The following CHIC1 variants were observed in gnomAD, a reference collection of about 807,000 sequenced individuals.
The protein encoded by CHIC1 is cysteine-rich hydrophobic domain-containing protein 1.
A neutral mutation model predicts 18.5 loss-of-function variants in CHIC1; 7 were observed. The observed-to-expected ratio is 0.38, with a 90% confidence interval of 0.22 to 0.71. The LOEUF is 0.71. Among genes scored for constraint, CHIC1 ranks in the 30% least tolerant of loss-of-function variants. The probability of loss-of-function intolerance (pLI) is 0.49; values close to 1 mark genes in which losing one functional copy is unlikely to be tolerated. For missense variants in CHIC1, 159 were observed against 176.9 expected (o/e 0.90, Z 0.57); for synonymous variants, 77 against 73.5 (o/e 1.05, Z -0.25).
At chrX:73,573,463 C>T (rs994468227) in intron 1 of CHIC1, among the ~76,000 whole-genome samples, 2 of 111,412 alleles carry the variant, frequency 1.8e-5, no homozygotes, top group African/African-American at 6.5e-5. Flanking sequence ...ATAGTTGTTT[C>T]TAATTCCGTG....
chrX:73,565,997 C>T (rs766827192), intron 1 of CHIC1, among the ~76,000 whole-genome samples: 2 of 110,766 alleles, frequency 1.8e-5, no homozygotes, highest in South Asian at 7.7e-4. Context: ...CCACATTGCC[C>T]GTGCTTTTCA....
At chrX:73,599,315 G>A (rs1178980806) in intron 3 of CHIC1, among the ~76,000 whole-genome samples, 1 of 101,843 alleles carries the variant, frequency 9.8e-6, no homozygotes, top group Non-Finnish European at 1.9e-5. Flanking sequence ...TTCTTTTGCT[G>A]TGCAGAAGCT....
rs995387085 is a variant in CHIC1, at chrX:73,573,755, A to G, written c.297-3652A>G. On this transcript the variant is annotated intron_variant, in intron 1 of 5. Transcript: ENST00000373502. ...AACGTTATTGGTGTATAGAAATTCT[A>G]CTGACTTTTTACATTGATTTTATAT... 4.2e-4 allele frequency among the ~76,000 whole-genome samples: 47 copies of G among 111,228 alleles called. 2 individuals carry two copies. Among genetic ancestry groups the G allele is most frequent in the Non-Finnish European group, 1.9e-5 (1 of 52,564 alleles).
At chrX:73,642,015 G>A (rs371898521) in intron 3 of CHIC1, among the ~76,000 whole-genome samples, 2 of 111,501 alleles carry the variant, frequency 1.8e-5, no homozygotes, top group Admixed American at 9.5e-5. Flanking sequence ...ATGATTTATA[G>A]TCCTTTGGGT....
chrX:73,623,042 G>T (rs2057767326), intron 3 of CHIC1, among the ~76,000 whole-genome samples: 1 of 112,047 alleles, frequency 8.9e-6, no homozygotes, highest in African/African-American at 3.2e-5. Context: ...TTGCACTGTG[G>T]TCTGAGAGAC....
Position 73,685,232 on chromosome X carries a change from A to T in CHIC1, c.*4227A>T, listed in dbSNP as rs2058116575. 1 of 111,393 alleles carries T rather than the reference A, an allele frequency of 9.0e-6. No individual in the cohort carries two copies. Among genetic ancestry groups the T allele is most frequent in the Non-Finnish European group, 1.9e-5 (1 of 52,913 alleles). 9.2% of individuals were successfully genotyped at this position (111,393 alleles called of 1,213,427 possible). A position where few individuals can be genotyped will look rare whatever the true frequency, so the allele number is the denominator to read the frequency against. The stretch of plus-strand genomic sequence containing the variant: ...GGCTGACGTGTTAATTATCACACAG[A>T]CTCCAAGAACCTGATGCTTGCTAGA... On this transcript the variant is annotated 3_prime_UTR_variant, in exon 6 of 6. Transcript: ENST00000373502.
At chrX:73,599,030 T>G (rs375512391) in intron 3 of CHIC1, among the ~76,000 whole-genome samples, 9 of 108,688 alleles carry the variant, frequency 8.3e-5, no homozygotes, top group Non-Finnish European at 1.1e-4. Flanking sequence ...CATTCTAACT[T>G]GTGTGAGATG....
chrX:73,597,657 C>T (rs1450080707), intron 3 of CHIC1, among the ~76,000 whole-genome samples: 1 of 107,976 alleles, frequency 9.3e-6, no homozygotes, highest in African/African-American at 3.4e-5. Flanking sequence ...TTTTGGGATA[C>T]ATGTGCAGAA....
At chrX:73,666,721 G>A (rs1218118414) in intron 3 of CHIC1, among the ~76,000 whole-genome samples, 1 of 112,266 alleles carries the variant, frequency 8.9e-6, no homozygotes, top group East Asian at 2.8e-4. Context: ...TGCTCTGAGA[G>A]ACTATTATGA....
intron 3 of CHIC1, among the ~76,000 whole-genome samples, chrX:73,589,278 A>G (rs2057569048): frequency 9.0e-6 from 1 of 110,945 alleles, no homozygotes; most frequent in Non-Finnish European, 1.9e-5. Flanking sequence ...CACATAAGGA[A>G]GGACTTCCAC....
At chrX:73,584,372 G>A (rs758010593) in intron 2 of CHIC1, 45 bp from the exon 3 acceptor site, 4 of 1,088,424 alleles carry the variant, frequency 3.7e-6, no homozygotes, top group Non-Finnish European at 4.9e-6. Context: ...GAGATAAACA[G>A]TGAAAAGCTG....
intron 3 of CHIC1, among the ~76,000 whole-genome samples, chrX:73,602,526 C>T (rs1418060207): frequency 3.7e-5 from 4 of 108,781 alleles, no homozygotes; most frequent in African/African-American, 1.4e-4. Flanking sequence ...TTAATTAGAT[C>T]TCATTTGTCT....
intron 3 of CHIC1, among the ~76,000 whole-genome samples, chrX:73,655,222 A>G (rs756190704): frequency 1.3e-4 from 14 of 108,627 alleles, no homozygotes; most frequent in Admixed American, 1.2e-3. Context: ...GTCACTTCAA[A>G]GGATACAATC....
chrX:73,660,829 C>T (rs2057976316), intron 3 of CHIC1, among the ~76,000 whole-genome samples: 1 of 111,739 alleles, frequency 8.9e-6, no homozygotes, highest in African/African-American at 3.3e-5. Flanking sequence ...TTATTTGGAC[C>T]ACACCATACA....
In CHIC1 at chrX:73,681,237, G is replaced by T. The variant is rs915224461; in HGVS notation, c.*232G>T. On this transcript the variant is annotated 3_prime_UTR_variant, in exon 6 of 6. Coordinates refer to ENST00000373502, the MANE Select transcript of CHIC1 (RefSeq NM_001039840.4). ...TTTAAATACACACACATGCGTGTGT[G>T]CATATACATATATAGATAGTTGCCA... 7.4e-5 allele frequency: 23 copies of T among 312,336 alleles called. No individual in the cohort carries two copies. The Admixed American group carries it at 1.4e-3, about 20-fold the overall frequency. 25.7% of individuals were successfully genotyped at this position (312,336 alleles called of 1,213,427 possible).
intron 3 of CHIC1, among the ~76,000 whole-genome samples, chrX:73,610,435 C>T (rs2057702350): frequency 9.4e-6 from 1 of 106,277 alleles, no homozygotes; most frequent in Non-Finnish European, 1.9e-5. Context: ...GAACTGGGTA[C>T]CTCAGTTGGA....
intron 3 of CHIC1, among the ~76,000 whole-genome samples, chrX:73,616,439 T>G (rs59874507): frequency 0.048 from 5,315 of 111,611 alleles, 321 homozygotes; most frequent in African/African-American, 0.16. Flanking sequence ...ACCACTCAGG[T>G]GTCTGGAGGA....
intron 3 of CHIC1, among the ~76,000 whole-genome samples, 170 bp from the exon 4 acceptor site, chrX:73,679,156 C>T (rs1177760682): frequency 8.9e-6 from 1 of 111,764 alleles, no homozygotes; most frequent in East Asian, 2.8e-4. Context: ...TCATCCAAAT[C>T]TTACTCCTTT....
intron 3 of CHIC1, among the ~76,000 whole-genome samples, chrX:73,658,050 C>T (rs1042805050): frequency 2.7e-5 from 3 of 110,061 alleles, no homozygotes; most frequent in Non-Finnish European, 3.8e-5. Context: ...GCATTGATGT[C>T]GTCAAGGATA....
Sources: gnomAD v4.1 joint callset for allele counts (sites outside exome capture counted in the v4.1 genomes callset) on GRCh38, gnomAD v4.1.1 for gene constraint, MANE v1.5 for transcripts, NCBI Gene and HGNC (gene_info 2026-07-23, HGNC 2026-07-21) for gene names.